The following SRPK1 variants were observed in gnomAD, a reference collection of about 807,000 sequenced individuals.
SRPK1 encodes SFRS protein kinase 1.
SRPK1 carries 52 observed loss-of-function variants against 89.5 expected under a neutral mutation model. That is an observed-to-expected ratio of 0.58 (90% CI 0.46 to 0.73). The LOEUF is 0.73. Among genes scored for constraint, SRPK1 ranks in the 30% least tolerant of loss-of-function variants. SRPK1 has a pLI of 0.00. For missense variants in SRPK1, 603 were observed against 780.6 expected (o/e 0.77, Z 2.71); for synonymous variants, 255 against 270.2 (o/e 0.94, Z 0.55).
chr6:35,888,409 A>C (rs1196140030), intron 4 of SRPK1, among the ~76,000 whole-genome samples: 1 of 152,176 alleles, frequency 6.6e-6, no homozygotes, highest in East Asian at 1.9e-4. Flanking sequence ...CAAAATGAGG[A>C]TAAATAAGGG....
intron 14 of SRPK1, among the ~76,000 whole-genome samples, chr6:35,840,847 T>A (rs1454262106): frequency 6.6e-6 from 1 of 152,186 alleles, no homozygotes; most frequent in African/African-American, 2.4e-5. Context: ...ACCTAAGGAC[T>A]ATTAGTACTA....
chr6:35,904,957 T>C (rs543638786), intron 2 of SRPK1: 1 of 443,450 alleles, frequency 2.3e-6, no homozygotes, highest in Non-Finnish European at 4.5e-6. Flanking sequence ...GCCTGGTTAG[T>C]ACAGCAAGAC....
At chr6:35,874,154 T>A in intron 7 of SRPK1, 79 bp downstream of exon 7, 2 of 1,217,242 alleles carry the variant, frequency 1.6e-6, no homozygotes, top group South Asian at 2.7e-5. Context: ...TTGGAAAAAA[T>A]AAAGTCCTGA....
rs569646841 is a variant in SRPK1 at position 35,853,747 on chromosome 6, T to C, written c.1620+3514A>G. ...AAAGCAATCACTTCAGAAGAGGAAT[T>C]TACCAGAAAAGGAAGACAACTGGGG... On this transcript the variant is annotated intron_variant, in intron 13 of 15. Coordinates refer to ENST00000373825, the MANE Select transcript of SRPK1 (RefSeq NM_003137.5). 9.2e-5 allele frequency among the ~76,000 whole-genome samples: 14 copies of C among 152,212 alleles called. No homozygotes were observed. In the East Asian group the frequency reaches 2.5e-3, roughly 27 times the overall value.
rs57574093 is a variant in SRPK1, at chr6:35,915,997, T to TACACAC, written c.74+4465_74+4470dup. ...AAAAACAAAAAAAAAAAAAAATATATACACACACACACACACACACACACA... is the reference window on the plus strand; with the variant it reads ...AAAAACAAAAAAAAAAAAAAATATATACACACACACACACACACACACACACACACA... On this transcript the variant is annotated intron_variant, in intron 2 of 15. Coordinates refer to ENST00000373825, the MANE Select transcript of SRPK1 (RefSeq NM_003137.5). Among the ~76,000 whole-genome samples the TACACAC allele has an allele frequency of 9.5e-4, 86 of 90,150 alleles. 1 individual carries two copies. Among genetic ancestry groups the TACACAC allele is most frequent in the Non-Finnish European group, 1.3e-3 (66 of 50,722 alleles). The allele number at this position is 90,150 out of a possible 152,430, so 59.1% of individuals were successfully genotyped here.
intron 13 of SRPK1, among the ~76,000 whole-genome samples, chr6:35,849,932 C>G (rs114288161): frequency 6.6e-6 from 1 of 151,932 alleles, no homozygotes; most frequent in African/African-American, 2.4e-5. Context: ...AACTGGAAAA[C>G]AATATGAAGT....
intron 2 of SRPK1, among the ~76,000 whole-genome samples, chr6:35,911,533 G>A (rs6920616): frequency 0.44 from 67,430 of 151,614 alleles, 16,306 homozygotes; most frequent in African/African-American, 0.64. Flanking sequence ...TGGGCAACAT[G>A]GTGAGACCCT....
intron 12 of SRPK1, among the ~76,000 whole-genome samples, chr6:35,862,483 C>T (rs1257730279): frequency 6.6e-6 from 1 of 152,060 alleles, no homozygotes; most frequent in East Asian, 1.9e-4. Context: ...AAGTATCTTA[C>T]TTAACCAACA....
intron 6 of SRPK1, among the ~76,000 whole-genome samples, chr6:35,880,553 T>A (rs1439275159): frequency 6.6e-6 from 1 of 150,958 alleles, no homozygotes; most frequent in African/African-American, 2.4e-5. Context: ...TGAAATCCCA[T>A]CTCTACTGAT....
intron 12 of SRPK1, among the ~76,000 whole-genome samples, chr6:35,859,969 C>T (rs1769746481): frequency 6.6e-6 from 1 of 151,964 alleles, no homozygotes; most frequent in Non-Finnish European, 1.5e-5. Flanking sequence ...CGTCATTCTC[C>T]TGCCTCTGCC....
chr6:35,845,766 T>A (rs991545549), intron 13 of SRPK1, among the ~76,000 whole-genome samples: 8 of 152,196 alleles, frequency 5.3e-5, no homozygotes, highest in Admixed American at 2.0e-4. Context: ...TCTGTATCAA[T>A]GGGCTGGCCA....
chr6:35,888,612 T>C (rs1189558551), intron 4 of SRPK1, among the ~76,000 whole-genome samples: 1 of 152,186 alleles, frequency 6.6e-6, no homozygotes, highest in African/African-American at 2.4e-5. Context: ...CCTGTCTCTA[T>C]AGTAGAAAGG....
intron 5 of SRPK1, 31 bp from the exon 6 acceptor site, chr6:35,886,842 A>C: frequency 7.6e-7 from 1 of 1,307,706 alleles, no homozygotes. Context: ...TGTTTAGCAC[A>C]AGGTAAAGCA....
chr6:35,884,505 T>C (rs965249508), intron 6 of SRPK1, among the ~76,000 whole-genome samples: 55 of 152,212 alleles, frequency 3.6e-4, no homozygotes, highest in Non-Finnish European at 3.7e-4. Context: ...GAGAGTGACA[T>C]GAGCCATTAC....
intron 13 of SRPK1, among the ~76,000 whole-genome samples, chr6:35,846,345 C>T (rs1769425687): frequency 6.6e-6 from 1 of 151,934 alleles, no homozygotes; most frequent in Non-Finnish European, 1.5e-5. Context: ...AATCCCAGCA[C>T]TTTGGGAGGC....
chr6:35,856,813 C>G (rs1769675918), intron 13 of SRPK1: 2 of 153,918 alleles, frequency 1.3e-5, no homozygotes, highest in African/African-American at 4.8e-5. Flanking sequence ...GGCAAAATAG[C>G]CATTTATGAA....
chr6:35,873,090 C>T (rs1267965536), intron 7 of SRPK1, among the ~76,000 whole-genome samples: 1 of 152,184 alleles, frequency 6.6e-6, no homozygotes, highest in Non-Finnish European at 1.5e-5. Context: ...AATTTCCTCA[C>T]TGAGGAAGAA....
intron 12 of SRPK1, among the ~76,000 whole-genome samples, chr6:35,864,525 G>A (rs1182040410): frequency 3.9e-5 from 6 of 152,084 alleles, no homozygotes; most frequent in East Asian, 3.9e-4. Context: ...AATGGCTTAC[G>A]TCCAAAAGAT....
At chr6:35,881,447 AT>A (rs1371150236) in intron 6 of SRPK1, among the ~76,000 whole-genome samples, 98 of 89,004 alleles carry the variant, frequency 1.1e-3, no homozygotes, top group African/African-American at 2.8e-3. Context: ...AGATATAGAT[AT>A]AGATATAGAT....
Sources: allele counts gnomAD v4.1 joint callset (sites outside exome capture counted in the v4.1 genomes callset), GRCh38; gene constraint gnomAD v4.1.1; transcripts MANE v1.5; gene names NCBI Gene and HGNC (gene_info 2026-07-23, HGNC 2026-07-21).